PLXNA4: variants seen among roughly 807,000 people sequenced by gnomAD.
The protein encoded by PLXNA4 is plexin-A4.
PLXNA4 carries 44 observed loss-of-function variants against 191.8 expected under a neutral mutation model. The observed-to-expected ratio is 0.23, with a 90% CI of 0.18 to 0.29. The LOEUF is 0.29. Ranked by LOEUF, PLXNA4 falls within the 10% of genes least tolerant of loss-of-function variation. PLXNA4 has a pLI of 1.00. For missense variants in PLXNA4, 1,800 were observed against 2,488.8 expected (o/e 0.72, Z 5.89); for synonymous variants, 1,082 against 1,009.5 (o/e 1.07, Z -1.36).
chr7:132,469,642 AG>A (rs902675166), intron 3 of PLXNA4, among the ~76,000 whole-genome samples: 3 of 152,246 alleles, frequency 2.0e-5, no homozygotes, highest in African/African-American at 7.2e-5. Context: ...GTGAGAAAGT[AG>A]CCCATGGGTC....
At chr7:132,325,632 C>A (rs542110361) in intron 3 of PLXNA4, among the ~76,000 whole-genome samples, 1 of 152,170 alleles carries the variant, frequency 6.6e-6, no homozygotes, top group Admixed American at 6.5e-5. Flanking sequence ...TGGCTGGCCA[C>A]TACCAGCACA....
intron 5 of PLXNA4, among the ~76,000 whole-genome samples, chr7:132,237,086 G>C (rs1798726171): frequency 6.6e-6 from 1 of 152,260 alleles, no homozygotes; most frequent in South Asian, 2.1e-4. Flanking sequence ...TGGATTACAA[G>C]CGTGTTTGTC....
At chr7:132,224,301 C>G (rs1330448564) in intron 8 of PLXNA4, among the ~76,000 whole-genome samples, 1 of 152,148 alleles carries the variant, frequency 6.6e-6, no homozygotes, top group African/African-American at 2.4e-5. Flanking sequence ...ATAGGCCACA[C>G]TCTCCCCACA....
chr7:132,156,506 G>A (rs1795802630), intron 25 of PLXNA4, among the ~76,000 whole-genome samples: 1 of 152,206 alleles, frequency 6.6e-6, no homozygotes, highest in Non-Finnish European at 1.5e-5. Context: ...TGGGATGGGT[G>A]CTCCTGCCGT....
At chr7:132,530,859 CA>C (rs1389741722) in intron 1 of PLXNA4, among the ~76,000 whole-genome samples, 3 of 152,044 alleles carry the variant, frequency 2.0e-5, no homozygotes, top group Admixed American at 6.6e-5. Context: ...AACCAAGAAA[CA>C]AAATGTGATA....
chr7:132,268,855 T>C (rs572513677), intron 4 of PLXNA4, among the ~76,000 whole-genome samples: 10 of 152,298 alleles, frequency 6.6e-5, no homozygotes, highest in Non-Finnish European at 1.3e-4. Flanking sequence ...AGGAGTATCA[T>C]GTCACCTTTT....
rs191792284 is a variant in PLXNA4 at position 132,238,184 on chromosome 7, A to C, written c.1604+2882T>G. ...TTATAGTGCTGTTGGCAGTGAGGTC[A>C]AGCTTAATGAATCTATTATATATAT... On this transcript the variant is annotated intron_variant, in intron 5 of 31. Transcript: ENST00000321063. 2.2e-4 allele frequency among the ~76,000 whole-genome samples: 33 copies of C among 152,310 alleles called. No individual in the cohort carries two copies. In the East Asian group the frequency reaches 3.9e-3, roughly 18 times the overall value.
At chr7:132,297,527 A>T (rs1247370229) in intron 4 of PLXNA4, among the ~76,000 whole-genome samples, 1 of 151,914 alleles carries the variant, frequency 6.6e-6, no homozygotes, top group African/African-American at 2.4e-5. Flanking sequence ...AACCTGCACC[A>T]TATCTGTTCT....
chr7:132,174,812 C>T lies in PLXNA4; in HGVS notation c.3983G>A (p.Gly1328Glu). The change falls in exon 21 of 32, where the codon GGA becomes GAA. Residue 1328 changes from glycine (G) to glutamate (E), a missense_variant. Gly to Glu is a moderately conservative substitution (Grantham distance 98). This residue lies in a region of PLXNA4 where 1,397 missense variants were observed against 1,880.4 expected (regional missense o/e 0.74). Transcript: ENST00000321063. Reference protein sequence around the residue: ...RTYTMRVLFPGIEDHPVLRDL... With the variant: ...RTYTMRVLFPEIEDHPVLRDL... ...CCGGAGGACAGGGTGGTCTTCAATT[C>T]CTGGGAACAGCACCCGCATGGTGTA... 1 of 1,614,138 alleles carries T rather than the reference C, an allele frequency of 6.2e-7. No individual in the cohort carries two copies. Among genetic ancestry groups the T allele is most frequent in the Non-Finnish European group, 8.5e-7 (1 of 1,179,970 alleles).
intron 2 of PLXNA4, among the ~76,000 whole-genome samples, chr7:132,630,749 G>A (rs1377174247): frequency 6.6e-6 from 1 of 152,134 alleles, no homozygotes; most frequent in Non-Finnish European, 1.5e-5. Context: ...CTGACCTTGT[G>A]ATCCGCCCAC....
At chr7:132,616,763 T>C (rs76297338) in intron 2 of PLXNA4, among the ~76,000 whole-genome samples, 3 of 152,198 alleles carry the variant, frequency 2.0e-5, no homozygotes, top group Admixed American at 6.5e-5. Context: ...TCCTGGAATA[T>C]GCACCTGTTT....
Position 132,182,079 on chromosome 7 carries a change from C to T in PLXNA4, c.3252+18G>A, listed in dbSNP as rs1302129192. ...TTGCATGGGCAGCCTCCATGAACCC[C>T]ATCAGCCCTACACTCACATTGATGT... On this transcript the variant is annotated intron_variant, in intron 17 of 31. Coordinates refer to ENST00000321063, the MANE Select transcript of PLXNA4 (RefSeq NM_020911.2). The T allele has an allele frequency of 6.2e-7, 1 of 1,614,144 alleles. No homozygotes were observed. Among genetic ancestry groups the T allele is most frequent in the South Asian group, 1.1e-5 (1 of 91,080 alleles).
At chr7:132,458,252 C>G (rs1284129585) in intron 3 of PLXNA4, among the ~76,000 whole-genome samples, 1 of 151,840 alleles carries the variant, frequency 6.6e-6, no homozygotes. Context: ...CTAGTATATG[C>G]TTGGCAGGGT....
At chr7:132,432,407 T>C (rs760451868) in intron 3 of PLXNA4, among the ~76,000 whole-genome samples, 3 of 152,222 alleles carry the variant, frequency 2.0e-5, no homozygotes, top group African/African-American at 4.8e-5. Context: ...CTCAACTTCC[T>C]ACTCCTGCAT....
chr7:132,189,333 G>T (rs548274659), intron 14 of PLXNA4, among the ~76,000 whole-genome samples: 1 of 152,042 alleles, frequency 6.6e-6, no homozygotes, highest in South Asian at 2.1e-4. Flanking sequence ...TTTCACGGTG[G>T]GTTTGCACAG....
At chr7:132,133,358 C>T (rs995355404) in intron 30 of PLXNA4, among the ~76,000 whole-genome samples, 159 bp from the exon 31 acceptor site, 1 of 152,180 alleles carries the variant, frequency 6.6e-6, no homozygotes, top group Admixed American at 6.5e-5. Flanking sequence ...TGGTCTCTCT[C>T]TCATCTGGGT....
At chr7:132,539,185 G>A (rs1455229350) in intron 1 of PLXNA4, among the ~76,000 whole-genome samples, 1 of 152,152 alleles carries the variant, frequency 6.6e-6, no homozygotes, top group Non-Finnish European at 1.5e-5. Flanking sequence ...GATTGACAGT[G>A]GAGTACAACC....
At chr7:132,318,652 C>T (rs55861680) in intron 3 of PLXNA4, among the ~76,000 whole-genome samples, 5,455 of 149,330 alleles carry the variant, frequency 0.037, 157 homozygotes, top group Middle Eastern at 0.075. Context: ...GTGATCATCA[C>T]GCACTTTGCT....
intron 1 of PLXNA4, among the ~76,000 whole-genome samples, chr7:132,538,584 C>T (rs1799945579): frequency 6.6e-6 from 1 of 152,226 alleles, no homozygotes; most frequent in Non-Finnish European, 1.5e-5. Context: ...ATCTCTCAAA[C>T]TTACTTTATC....
Sources: allele counts gnomAD v4.1 joint callset (sites outside exome capture counted in the v4.1 genomes callset), GRCh38; gene constraint gnomAD v4.1.1; regional missense constraint gnomAD v4.1.1; transcripts MANE v1.5; gene names NCBI Gene and HGNC (gene_info 2026-07-23, HGNC 2026-07-21).